CHRFAM7A: variants seen among roughly 807,000 people sequenced by gnomAD.
The protein encoded by CHRFAM7A is CHRNA7 (exons 5-10) and FAM7A (exons A-E) fusion, also known as CHRNA7-FAM7A fusion protein.
A neutral mutation model predicts 29.2 loss-of-function variants in CHRFAM7A; 3 were observed. The ratio of observed to expected loss-of-function variants is 0.10; its 90% confidence interval spans 0.05 to 0.27. CHRFAM7A has a LOEUF of 0.27. CHRFAM7A is among the 10% of genes least tolerant of loss of function. CHRFAM7A has a pLI of 1.00. For missense variants in CHRFAM7A, 22 were observed against 328.0 expected (o/e 0.07, Z 7.21); for synonymous variants, 7 against 135.4 (o/e 0.05, Z 6.58).
In CHRFAM7A at chr15:30,362,791, G is replaced by GT. The variant is rs2058753566; in HGVS notation, c.740dup (p.Asn247LysfsTer82). 1 of 1,250,920 alleles carries GT rather than the reference G, an allele frequency of 8.0e-7. No individual in the cohort carries two copies. Among genetic ancestry groups the GT allele is most frequent in the Non-Finnish European group, 1.1e-6 (1 of 897,882 alleles). 77.5% of individuals were successfully genotyped at this position (1,250,920 alleles called of 1,614,324 possible). Reference sequence around the variant, plus strand: ...TCATTCGCAGGAACCACGCGCACCAGTTCAGAAGGATGACTCTGGTCTGGG... The same window carrying GT: ...TCATTCGCAGGAACCACGCGCACCAGTTTCAGAAGGATGACTCTGGTCTGGG... On this transcript the variant is annotated frameshift_variant, in exon 10 of 10. Transcript: ENST00000299847. LOFTEE classifies it high-confidence loss of function.
At chr15:30,378,087 T>A (rs1427855788) in intron 4 of CHRFAM7A, among the ~76,000 whole-genome samples, 1 of 31,798 alleles carries the variant, frequency 3.1e-5, no homozygotes, top group Non-Finnish European at 6.1e-5. Flanking sequence ...TTTACTGCCT[T>A]CTACCCATTT....
intron 9 of CHRFAM7A, among the ~76,000 whole-genome samples, chr15:30,366,677 A>ATAT: frequency 6.6e-6 from 1 of 151,480 alleles, no homozygotes; most frequent in Middle Eastern, 3.4e-3. Flanking sequence ...CTGAACGTAC[A>ATAT]TATTTGTACA....
chr15:30,366,751 C>A (rs1219414405), intron 9 of CHRFAM7A, among the ~76,000 whole-genome samples: 2 of 150,970 alleles, frequency 1.3e-5, no homozygotes, highest in Non-Finnish European at 3.0e-5. Flanking sequence ...CATGTTGCTA[C>A]GCATCTGTCT....
At chr15:30,375,798 GTATGTGAGTGGT>G in intron 5 of CHRFAM7A, among the ~76,000 whole-genome samples, 1 of 151,388 alleles carries the variant, frequency 6.6e-6, no homozygotes, top group East Asian at 2.0e-4. Flanking sequence ...CGTGTGGGTG[GTATGTGAGTGGT>G]TGTGTGAGTG....
intron 5 of CHRFAM7A, among the ~76,000 whole-genome samples, chr15:30,375,166 G>C (rs1006023147): frequency 7.3e-6 from 1 of 137,446 alleles, no homozygotes; most frequent in African/African-American, 2.8e-5. Flanking sequence ...GTGACTACCG[G>C]AGGCTGTTTT....
At chr15:30,374,652 T>G (rs925000621) in intron 5 of CHRFAM7A, among the ~76,000 whole-genome samples, 2 of 129,010 alleles carry the variant, frequency 1.6e-5, no homozygotes, top group African/African-American at 2.9e-5. Flanking sequence ...GTGATGGGAA[T>G]GTTCTAAAAC....
At chr15:30,376,068 T>TGTATCAGTGGTGTGAGTAGTGTGAGTG (rs2058930956) in intron 5 of CHRFAM7A, among the ~76,000 whole-genome samples, 2 of 150,674 alleles carry the variant, frequency 1.3e-5, no homozygotes, top group Non-Finnish European at 1.5e-5. Flanking sequence ...GTGGGTGGTG[T>TGTATCAGTGGTGTGAGTAGTGTGAGTG]GTATGAGTGG....
intron 7 of CHRFAM7A, among the ~76,000 whole-genome samples, chr15:30,371,446 T>A (rs1170987064): frequency 6.8e-6 from 1 of 148,142 alleles, no homozygotes; most frequent in Non-Finnish European, 1.5e-5. Flanking sequence ...ACTGAAAAAT[T>A]TAACTTGGCA....
chr15:30,375,820 GGT>G (rs528700830), intron 5 of CHRFAM7A, among the ~76,000 whole-genome samples: 11,529 of 131,152 alleles, frequency 0.088, 3 homozygotes, highest in Non-Finnish European at 0.13. Flanking sequence ...TTGTGTGAGT[GGT>G]GTGTGAGTGT....
At chr15:30,377,766 G>A (rs1244393765) in intron 4 of CHRFAM7A, among the ~76,000 whole-genome samples, 2 of 144,698 alleles carry the variant, frequency 1.4e-5, no homozygotes, top group Admixed American at 7.0e-5. Flanking sequence ...TAGTAGAGAC[G>A]GGGGTTTCAC....
intron 4 of CHRFAM7A, among the ~76,000 whole-genome samples, chr15:30,377,577 C>CT (rs66689503): frequency 0.043 from 3,928 of 91,000 alleles, 65 homozygotes; most frequent in Non-Finnish European, 0.049. Context: ...ACATATATAT[C>CT]TTTTTTTTTT....
In CHRFAM7A at chr15:30,376,212, G is replaced by GGT. The variant is rs1337650134; in HGVS notation, c.160+816_160+817dup. Among the ~76,000 whole-genome samples, 16 of 146,020 alleles carry GGT rather than the reference G, an allele frequency of 1.1e-4. No homozygotes were observed. In the South Asian group the frequency reaches 3.4e-3, roughly 31 times the overall value. On this transcript the variant is annotated intron_variant, in intron 5 of 9. Coordinates refer to ENST00000299847, the MANE Select transcript of CHRFAM7A (RefSeq NM_139320.2). Reference sequence around the variant, plus strand: ...TGAGTGGCTGTGAGTGGTTGTGAGTGGTGTGTGTGTGAGTCGTATGTGTGA... The same window carrying GGT: ...TGAGTGGCTGTGAGTGGTTGTGAGTGGTGTGTGTGTGTGAGTCGTATGTGTGA...
chr15:30,374,768 A>AAAT (rs2058904221), intron 5 of CHRFAM7A, among the ~76,000 whole-genome samples: 1 of 126,036 alleles, frequency 7.9e-6, no homozygotes, highest in Non-Finnish European at 1.7e-5. Flanking sequence ...AGCTGTTAAA[A>AAAT]AATAAACACA....
chr15:30,363,149 T>C (rs2058759540), intron 9 of CHRFAM7A, among the ~76,000 whole-genome samples: 1 of 150,112 alleles, frequency 6.7e-6, no homozygotes, highest in South Asian at 2.1e-4. Context: ...TCCTTCCTCA[T>C]CTGTAACCCG....
intron 9 of CHRFAM7A, among the ~76,000 whole-genome samples, chr15:30,366,185 A>AC (rs1326906936): frequency 1.9e-3 from 11 of 5,850 alleles, no homozygotes; most frequent in African/African-American, 7.6e-3. Context: ...ACAGCATCTC[A>AC]CCCCCTACAG....
At chr15:30,382,324 T>TA (rs1316820924) in intron 3 of CHRFAM7A, among the ~76,000 whole-genome samples, 1 of 112,176 alleles carries the variant, frequency 8.9e-6, no homozygotes, top group Non-Finnish European at 1.9e-5. Flanking sequence ...ACATGATAGC[T>TA]AAAATCACCT....
chr15:30,369,377 G>C (rs2058832737), intron 8 of CHRFAM7A, among the ~76,000 whole-genome samples: 2 of 146,182 alleles, frequency 1.4e-5, no homozygotes, highest in Non-Finnish European at 1.5e-5. Context: ...CAATTACACA[G>C]GCCAAGATGT....
chr15:30,362,991 C>T (rs561951640), intron 9 of CHRFAM7A, among the ~76,000 whole-genome samples, 180 bp from the exon 10 acceptor site: 17 of 151,406 alleles, frequency 1.1e-4, no homozygotes, highest in South Asian at 8.3e-4. Context: ...TCGAGTTCAA[C>T]GTGAGGCAAG....
intron 8 of CHRFAM7A, among the ~76,000 whole-genome samples, chr15:30,369,200 G>T (rs71237763): frequency 0.088 from 11,641 of 132,068 alleles, 23 homozygotes; most frequent in African/African-American, 0.11. Flanking sequence ...AAACCAGGGA[G>T]TGGCCCCTCA....
Sources: allele counts gnomAD v4.1 joint callset (sites outside exome capture counted in the v4.1 genomes callset), GRCh38; gene constraint gnomAD v4.1.1; transcripts MANE v1.5; gene names NCBI Gene and HGNC (gene_info 2026-07-23, HGNC 2026-07-21).